The following KDM5C variants were observed in gnomAD, a reference collection of about 807,000 sequenced individuals.
The protein encoded by KDM5C is lysine-specific demethylase 5C.
A neutral mutation model predicts 110.6 loss-of-function variants in KDM5C; 16 were observed. That is an observed-to-expected ratio of 0.14 (90% CI 0.10 to 0.22). The LOEUF (loss-of-function observed/expected upper bound fraction) is 0.22, where lower values mean the gene tolerates loss of function less well. Among genes scored for constraint, KDM5C ranks in the 10% least tolerant of loss-of-function variants. The pLI, the probability that KDM5C is intolerant of heterozygous loss-of-function variation, is 1.00. For missense variants in KDM5C, 681 were observed against 1,300.9 expected (o/e 0.52, Z 7.33); for synonymous variants, 511 against 520.4 (o/e 0.98, Z 0.24).
intron 25 of KDM5C, among the ~76,000 whole-genome samples, chrX:53,181,138 TTTTTTTGTTTGTTTG>T (rs1280069877): frequency 3.7e-5 from 4 of 109,052 alleles, no homozygotes; most frequent in Non-Finnish European, 5.7e-5. Flanking sequence ...TATATATATT[TTTTTTTGTTTGTTTG>T]TTTTTTGTTT....
intron 12 of KDM5C, among the ~76,000 whole-genome samples, chrX:53,208,805 C>CTTTTTTTT (rs782216325): frequency 4.5e-5 from 1 of 22,173 alleles, no homozygotes. Context: ...ACACCCGGCT[C>CTTTTTTTT]TTTTTTTTTT....
intron 25 of KDM5C, among the ~76,000 whole-genome samples, chrX:53,182,240 AGGCCT>A (rs1409561657): frequency 9.1e-6 from 1 of 109,376 alleles, no homozygotes; most frequent in African/African-American, 3.3e-5. Context: ...ATCCACCGCC[AGGCCT>A]GGCTAATTTT....
At chrX:53,206,737 G>A (rs928619764) in intron 12 of KDM5C, among the ~76,000 whole-genome samples, 3 of 105,918 alleles carry the variant, frequency 2.8e-5, no homozygotes, top group African/African-American at 1.0e-4. Context: ...GGTGGCGCAC[G>A]CCTGTAATCT....
In KDM5C at chrX:53,211,650, C is replaced by G; in HGVS notation, c.1248G>C (p.Val416=). 2.5e-6 allele frequency: 3 copies of G among 1,211,672 alleles called. No individual in the cohort carries two copies. Among genetic ancestry groups the G allele is most frequent in the Non-Finnish European group, 3.4e-6 (3 of 895,362 alleles). ...ACTCCTTCTCCACAAGTTCTGTGGG[C>G]ACCATCTGGGGGAAGACAGGTAGCA... The part of the protein sequence containing the change: ...ADYFNMPVHM[V]PTELVEKEFW... The change falls in exon 10 of 26, where the codon GTG becomes GTC. Residue 416 remains valine (V), a synonymous_variant. Transcript: ENST00000375401.
intron 7 of KDM5C, 89 bp from the exon 8 acceptor site, chrX:53,214,936 G>T: frequency 9.8e-7 from 1 of 1,018,516 alleles, no homozygotes; most frequent in Non-Finnish European, 1.4e-6. Flanking sequence ...GGCTAGTCAT[G>T]CTAGGTCTGG....
Position 53,215,786 on chromosome X carries a change from G to T in KDM5C, c.963+9C>A, listed in dbSNP as rs1556851484. On this transcript the variant is annotated intron_variant, in intron 7 of 25. Coordinates refer to ENST00000375401, the MANE Select transcript of KDM5C (RefSeq NM_004187.5). ...GCAGAGCATTAAGAAGTCAGGGCTG[G>T]GTCCTTACAAACTGGGCATTGCTGT... is the stretch of plus-strand genomic sequence containing the variant. 2.5e-6 allele frequency: 3 copies of T among 1,208,648 alleles called. No homozygotes were observed. The highest frequency in any genetic ancestry group is 3.4e-6 in the Non-Finnish European group (3 of 892,685).
chrX:53,212,882 T>C (rs1406395994), intron 8 of KDM5C: 1 of 109,883 alleles, frequency 9.1e-6, no homozygotes, highest in Non-Finnish European at 1.9e-5. Context: ...GCGCCTGTAA[T>C]CCCAGCTACT....
chrX:53,192,881 C>CCCCCCCCCAAAACA lies in KDM5C; in HGVS notation c.*85_*86insTGTTTTGGGGGGGG. 1 of 1,054,429 alleles carries CCCCCCCCCAAAACA rather than the reference C, an allele frequency of 9.5e-7. No individual in the cohort carries two copies. The highest frequency in any genetic ancestry group is 1.2e-6 in the Non-Finnish European group (1 of 802,813). 86.9% of individuals were successfully genotyped at this position (1,054,429 alleles called of 1,213,427 possible). A position where few individuals can be genotyped will look rare whatever the true frequency, so the allele number is the denominator to read the frequency against. On this transcript the variant is annotated 3_prime_UTR_variant, in exon 26 of 26. Transcript: ENST00000375401. ...TGGCCACCCCCCTACCCGCCCACCCCCCAAGAAGCAGGCTTGATGGTCAGA... is the reference window on the plus strand; with the variant it reads ...TGGCCACCCCCCTACCCGCCCACCCCCCCCCCCCAAAACACCAAGAAGCAGGCTTGATGGTCAGA...
rs1934756139 is a variant in KDM5C at position 53,195,345 on chromosome X, A to T, written c.3186T>A (p.Pro1062=). The change falls in exon 21 of 26, where the codon CCT becomes CCA. Residue 1062 remains proline, a synonymous_variant. Transcript: ENST00000375401. ...EGLVAVGRDL[P]VGLEELRQLE... ...GCTGTCTCAGCTCCTCCAGCCCCAC[A>T]GGTAGGTCCCGGCCCACAGCTACTA... is the stretch of plus-strand genomic sequence containing the variant. 8.3e-7 allele frequency: 1 copy of T among 1,206,851 alleles called. No homozygotes were observed. Among genetic ancestry groups the T allele is most frequent in the East Asian group, 3.0e-5 (1 of 33,705 alleles).
At position 53,194,912 on chromosome X, in the gene KDM5C, CTG is replaced by C. The variant is rs1934720433; in HGVS notation, c.3438+17_3438+18del. 2 of 1,208,302 alleles carry C rather than the reference CTG, an allele frequency of 1.7e-6. No homozygotes were observed. The highest frequency in any genetic ancestry group is 3.5e-5 in the African/African-American group (2 of 56,842). ...ATCATCACCAAGCCCTTCTCCCCAT[CTG>C]TGTCGAAGCTCCTTACCACAGAGCC... On this transcript the variant is annotated intron_variant, in intron 22 of 25. Transcript: ENST00000375401.
At position 53,225,079 on chromosome X, in the gene KDM5C, A is replaced by G; in HGVS notation, c.-190T>C. 4.4e-6 allele frequency: 2 copies of G among 452,406 alleles called. No homozygotes were observed. Among genetic ancestry groups the G allele is most frequent in the Non-Finnish European group, 3.6e-6 (1 of 278,471 alleles). 37.3% of individuals were successfully genotyped at this position (452,406 alleles called of 1,213,427 possible). On this transcript the variant is annotated 5_prime_UTR_variant, in exon 1 of 26. Coordinates refer to ENST00000375401, the MANE Select transcript of KDM5C (RefSeq NM_004187.5). ...AGAGTCTCAGGCTGACTCTACTGCT[A>G]CCGCCTCTTCGTCCCGCTCCGTTTC...
At chrX:53,210,046 G>A (rs900705841) in intron 12 of KDM5C, among the ~76,000 whole-genome samples, 5 of 112,358 alleles carry the variant, frequency 4.5e-5, no homozygotes, top group South Asian at 3.7e-4. Flanking sequence ...CCTGCAGCTA[G>A]ATGTGGTCAT....
At position 53,201,589 on chromosome X, in the gene KDM5C, C is replaced by T. The variant is rs2146864602; in HGVS notation, c.2022G>A (p.Val674=). 1 of 1,212,237 alleles carries T rather than the reference C, an allele frequency of 8.2e-7. No homozygotes were observed. The highest frequency in any genetic ancestry group is 1.8e-5 in the South Asian group (1 of 57,046). Reference sequence around the variant, plus strand: ...CCTTTCGTAGACGCCGCTCTTCTTGCACCATGATGAACATCTCCTTATGCA... The same window carrying T: ...CCTTTCGTAGACGCCGCTCTTCTTGTACCATGATGAACATCTCCTTATGCA... The part of the protein sequence containing the change: ...AAVHKEMFIM[V]QEERRLRKAL... Residue 674 remains valine, a synonymous_variant, in exon 14 of 26, where the codon GTG becomes GTA. Transcript: ENST00000375401.
chrX:53,205,437 C>G (rs1246721837), intron 12 of KDM5C, among the ~76,000 whole-genome samples: 6 of 112,333 alleles, frequency 5.3e-5, no homozygotes, highest in Non-Finnish European at 7.5e-5. Flanking sequence ...GCAACATCAG[C>G]ATTTCTTTCT....
Position 53,194,888 on chromosome X carries a change from T to G in KDM5C, c.3438+43A>C, listed in dbSNP as rs1556835281. 2.5e-6 allele frequency: 3 copies of G among 1,204,429 alleles called. No homozygotes were observed. The Admixed American group carries it at 6.6e-5, about 26-fold the overall frequency. On this transcript the variant is annotated intron_variant, in intron 22 of 25. Transcript: ENST00000375401. ...ATGGCCACCCAGCTCAGACACTCTATCATCACCAAGCCCTTCTCCCCATCT... is the reference window on the plus strand; with the variant it reads ...ATGGCCACCCAGCTCAGACACTCTAGCATCACCAAGCCCTTCTCCCCATCT...
intron 25 of KDM5C, among the ~76,000 whole-genome samples, chrX:53,181,874 C>T (rs782508275): frequency 2.8e-5 from 3 of 108,891 alleles, no homozygotes; most frequent in Non-Finnish European, 3.8e-5. Flanking sequence ...CTGCAAGCTC[C>T]GCCTGCTGGG....
intron 22 of KDM5C, 33 bp from the exon 23 acceptor site, chrX:53,194,771 A>C: frequency 8.3e-7 from 1 of 1,208,683 alleles, no homozygotes; most frequent in African/African-American, 1.7e-5. Flanking sequence ...AAAGTGGGTC[A>C]GCAGCCTACC....
chrX:53,178,652 A>G (rs1181779824), intron 25 of KDM5C, among the ~76,000 whole-genome samples: 1 of 112,461 alleles, frequency 8.9e-6, no homozygotes, highest in Non-Finnish European at 1.9e-5. Flanking sequence ...TGTAAAATGC[A>G]AAACTATAAA....
intron 2 of KDM5C, among the ~76,000 whole-genome samples, chrX:53,220,389 A>G (rs1556854102): frequency 2.7e-5 from 3 of 112,019 alleles, no homozygotes; most frequent in South Asian, 3.7e-4. Context: ...TGTTCTGCCC[A>G]TCTACCCAAA....
Sources: gnomAD v4.1 joint callset for allele counts (sites outside exome capture counted in the v4.1 genomes callset) on GRCh38, gnomAD v4.1.1 for gene constraint, MANE v1.5 for transcripts, NCBI Gene and HGNC (gene_info 2026-07-23, HGNC 2026-07-21) for gene names.